The following SNX29 variants were observed in gnomAD, a reference collection of about 807,000 sequenced individuals.
The protein encoded by SNX29 is sorting nexin-29.
In SNX29, 78 loss-of-function variants were observed where a neutral mutation model predicts 102.1. The observed-to-expected ratio is 0.76, with a 90% confidence interval of 0.64 to 0.92. The LOEUF (loss-of-function observed/expected upper bound fraction) is 0.92. SNX29 is among the 40% of genes least tolerant of loss of function. The probability of loss-of-function intolerance (pLI) is 0.00; values close to 1 mark genes in which losing one functional copy is unlikely to be tolerated. For missense variants in SNX29, 1,280 were observed against 1,061.7 expected, an observed-to-expected ratio of 1.21 and a Z score of -2.86; for synonymous variants, 580 against 414.5, an observed-to-expected ratio of 1.40 and a Z score of -4.85.
In SNX29 at chr16:12,383,747, T is replaced by TA. The variant is rs545971536; in HGVS notation, c.1900-14689dup. 7.3e-3 allele frequency among the ~76,000 whole-genome samples: 1,009 copies of TA among 138,088 alleles called. 7 individuals are homozygous for TA. The highest frequency in any genetic ancestry group is 0.011 in the Middle Eastern group (3 of 266). The allele number at this position is 138,088 out of a possible 152,430, so 90.6% of individuals were successfully genotyped here. ...CAGCACGCCCAGCCTGATGTAACAT[T>TA]AAAAAAAAAAGATACGTCAACTTTC... On this transcript the variant is annotated intron_variant, in intron 16 of 20. Coordinates refer to ENST00000566228, the MANE Select transcript of SNX29 (RefSeq NM_032167.5).
intron 19 of SNX29, among the ~76,000 whole-genome samples, chr16:12,500,348 C>T (rs1477859723): frequency 6.6e-6 from 1 of 152,138 alleles, no homozygotes; most frequent in Non-Finnish European, 1.5e-5. Flanking sequence ...TGCCTGCAGA[C>T]CAATAACTGA....
chr16:12,091,425 T>G (rs1233473281), intron 11 of SNX29, among the ~76,000 whole-genome samples: 1 of 151,920 alleles, frequency 6.6e-6, no homozygotes, highest in Non-Finnish European at 1.5e-5. Flanking sequence ...TGTTAGGAGG[T>G]GGGCGTTTGG....
intron 11 of SNX29, among the ~76,000 whole-genome samples, chr16:12,114,041 GACATCAC>G (rs1311272221): frequency 6.6e-6 from 1 of 152,180 alleles, no homozygotes; most frequent in African/African-American, 2.4e-5. Context: ...TACTTGCCGT[GACATCAC>G]ATGTCTTTGC....
intron 15 of SNX29, among the ~76,000 whole-genome samples, chr16:12,331,036 C>G (rs1274910518): frequency 1.3e-5 from 2 of 152,240 alleles, no homozygotes; most frequent in Admixed American, 6.5e-5. Flanking sequence ...CTGTAGCCAA[C>G]TACAGTTCCT....
At chr16:12,072,021 T>C (rs1014115896) in intron 10 of SNX29, among the ~76,000 whole-genome samples, 2 of 152,236 alleles carry the variant, frequency 1.3e-5, no homozygotes, top group African/African-American at 2.4e-5. Flanking sequence ...TGATTTTGTA[T>C]CCTGAGACTT....
chr16:12,077,328 G>C (rs16958959), intron 10 of SNX29, among the ~76,000 whole-genome samples: 32,701 of 150,332 alleles, frequency 0.22, 4,022 homozygotes, highest in African/African-American at 0.34. Flanking sequence ...AAGAAAATCA[G>C]TCTTAACCCT....
chr16:12,429,283 A>G (rs970493351), intron 18 of SNX29, among the ~76,000 whole-genome samples: 1 of 152,258 alleles, frequency 6.6e-6, no homozygotes, highest in Non-Finnish European at 1.5e-5. Context: ...CACCACACAG[A>G]CACAACTGAA....
At chr16:12,424,176 G>A (rs2084969701) in intron 18 of SNX29, among the ~76,000 whole-genome samples, 1 of 152,224 alleles carries the variant, frequency 6.6e-6, no homozygotes, top group African/African-American at 2.4e-5. Context: ...AGGTAGCAGT[G>A]CAGCGACTTT....
At chr16:12,124,585 T>A (rs1204157826) in intron 11 of SNX29, among the ~76,000 whole-genome samples, 1 of 152,196 alleles carries the variant, frequency 6.6e-6, no homozygotes, top group African/African-American at 2.4e-5. Context: ...TTTTATTGCT[T>A]CATTTCACAT....
At chr16:12,441,129 C>T (rs1477513144) in intron 18 of SNX29, among the ~76,000 whole-genome samples, 1 of 144,554 alleles carries the variant, frequency 6.9e-6, no homozygotes, top group Non-Finnish European at 1.5e-5. Flanking sequence ...TTTCTGTCGC[C>T]CAGGCTAGAG....
At chr16:12,551,458 C>G (rs566837309) in intron 20 of SNX29, among the ~76,000 whole-genome samples, 3 of 152,314 alleles carry the variant, frequency 2.0e-5, no homozygotes, top group Admixed American at 1.3e-4. Context: ...TTTAAAAATA[C>G]AGAGGCCAGG....
At chr16:12,013,848 A>G (rs2151068408) in intron 3 of SNX29, among the ~76,000 whole-genome samples, 1 of 151,420 alleles carries the variant, frequency 6.6e-6, no homozygotes, top group East Asian at 2.0e-4. Context: ...GATGGGTTTC[A>G]CCGTGTTGCC....
chr16:12,450,078 C>G (rs2086238250), intron 18 of SNX29, among the ~76,000 whole-genome samples: 1 of 152,182 alleles, frequency 6.6e-6, no homozygotes, highest in Non-Finnish European at 1.5e-5. Flanking sequence ...TATTCTTGTT[C>G]TCTCTTGCCT....
chr16:12,338,973 G>A (rs36161168), intron 15 of SNX29, among the ~76,000 whole-genome samples: 2,688 of 149,564 alleles, frequency 0.018, 34 homozygotes, highest in Non-Finnish European at 0.028. Flanking sequence ...GGAGGGAGAG[G>A]TTAAACTTGT....
rs183272382 is a variant in SNX29, at chr16:12,281,893, A to G, written c.1782+3857A>G. On this transcript the variant is annotated intron_variant, in intron 15 of 20. Transcript: ENST00000566228. ...CGAGAGTAGCCTGGCCAACACGGGG[A>G]AACTATGTCTGCCAGATAGAATCTG... Among the ~76,000 whole-genome samples, 207 of 152,060 alleles carry G rather than the reference A, an allele frequency of 1.4e-3. 1 individual carries two copies. The highest frequency in any genetic ancestry group is 2.2e-3 in the Non-Finnish European group (148 of 67,990).
At chr16:12,530,552 T>G (rs79337052) in intron 20 of SNX29, among the ~76,000 whole-genome samples, 1 of 148,828 alleles carries the variant, frequency 6.7e-6, no homozygotes, top group African/African-American at 2.5e-5. Context: ...TTTTTTTTTT[T>G]TGTTTTTTGT....
At chr16:12,378,369 G>T (rs2082951895) in intron 16 of SNX29, among the ~76,000 whole-genome samples, 1 of 152,188 alleles carries the variant, frequency 6.6e-6, no homozygotes, top group Non-Finnish European at 1.5e-5. Context: ...ATAAATAGAG[G>T]CCAGGTGCGG....
chr16:12,026,586 C>T (rs1267050951), intron 3 of SNX29, among the ~76,000 whole-genome samples: 1 of 152,196 alleles, frequency 6.6e-6, no homozygotes, highest in Non-Finnish European at 1.5e-5. Flanking sequence ...GTTCCTGAAT[C>T]TCCTATTTCT....
At position 12,267,092 on chromosome 16, in the gene SNX29, C is replaced by G. The variant is rs117640319; in HGVS notation, c.1679-10841C>G. On this transcript the variant is annotated intron_variant, in intron 14 of 20. Coordinates refer to ENST00000566228, the MANE Select transcript of SNX29 (RefSeq NM_032167.5). ...TACTTTTTGGGTAGTGTTTCCTTGG[C>G]TTGGGTATCACTGGAACCCCTTGCT... 6.8e-3 allele frequency among the ~76,000 whole-genome samples: 1,035 copies of G among 152,268 alleles called. 6 individuals carry two copies. Among genetic ancestry groups the G allele is most frequent in the South Asian group, 0.038 (185 of 4,822 alleles).
Sources: gnomAD v4.1 joint callset for allele counts (sites outside exome capture counted in the v4.1 genomes callset) on GRCh38, gnomAD v4.1.1 for gene constraint, MANE v1.5 for transcripts, NCBI Gene and HGNC (gene_info 2026-07-23, HGNC 2026-07-21) for gene names.